RNLS: variants seen among roughly 807,000 people sequenced by gnomAD.
The protein encoded by RNLS is renalase.
A neutral mutation model predicts 39.8 loss-of-function variants in RNLS; 39 were observed. The ratio of observed to expected loss-of-function variants is 0.98; its 90% CI spans 0.76 to 1.28. The LOEUF (loss-of-function observed/expected upper bound fraction) is 1.28. Ranked by LOEUF, RNLS falls within the 50% of genes most tolerant of loss-of-function variation. The probability of loss-of-function intolerance (pLI) is 0.00; values close to 1 mark genes in which losing one functional copy is unlikely to be tolerated. For missense variants in RNLS, 410 were observed against 413.3 expected (o/e 0.99, Z 0.07); for synonymous variants, 147 against 150.7 (o/e 0.98, Z 0.18).
At position 88,494,292 on chromosome 10, in the gene RNLS, A is replaced by T. The variant is rs1335710959; in HGVS notation, c.526+78611T>A. Among the ~76,000 whole-genome samples the T allele has an allele frequency of 2.6e-5, 4 of 152,134 alleles. No individual in the cohort carries two copies. In the East Asian group the frequency reaches 7.7e-4, roughly 29 times the overall value. On this transcript the variant is annotated intron_variant, in intron 4 of 6. Transcript: ENST00000331772. ...AAGCTTAGTGGCTTTCACTTCCTTA[A>T]TAATCAGCATATAAATGGAGTATTT...
chr10:88,376,487 GT>G, intron 4 of RNLS, among the ~76,000 whole-genome samples: 1 of 152,256 alleles, frequency 6.6e-6, no homozygotes, highest in Middle Eastern at 3.4e-3. Flanking sequence ...CTAACTTGGT[GT>G]TTGTATTGCA....
chr10:88,172,694 T>C, the RNLS span, among the ~76,000 whole-genome samples: 1 of 152,096 alleles, frequency 6.6e-6, no homozygotes, highest in Non-Finnish European at 1.5e-5. Flanking sequence ...GTCCCATTTA[T>C]CTATGTTTGC....
At chr10:88,250,514 A>C in the RNLS span, among the ~76,000 whole-genome samples, 1 of 152,304 alleles carries the variant, frequency 6.6e-6, no homozygotes, top group Admixed American at 6.5e-5. Context: ...AGCATTTACC[A>C]TGTCTACCAA....
At chr10:88,286,411 G>A (rs2132627821) in intron 6 of RNLS, among the ~76,000 whole-genome samples, 1 of 152,124 alleles carries the variant, frequency 6.6e-6, no homozygotes, top group East Asian at 1.9e-4. Context: ...CTCAAAATTT[G>A]GATGGATGAT....
chr10:88,553,735 C>T (rs1848711240), intron 4 of RNLS, among the ~76,000 whole-genome samples: 1 of 152,138 alleles, frequency 6.6e-6, no homozygotes, highest in Non-Finnish European at 1.5e-5. Flanking sequence ...CATTGTACCA[C>T]ATAGAAGCCT....
At chr10:88,549,369 A>G (rs1848501733) in intron 4 of RNLS, among the ~76,000 whole-genome samples, 1 of 151,894 alleles carries the variant, frequency 6.6e-6, no homozygotes, top group Non-Finnish European at 1.5e-5. Flanking sequence ...TGCCTGGGCA[A>G]CACAGCAAAA....
chr10:88,392,850 G>A (rs1025577963), intron 4 of RNLS, among the ~76,000 whole-genome samples: 3 of 152,122 alleles, frequency 2.0e-5, no homozygotes, highest in Non-Finnish European at 4.4e-5. Context: ...GATCAAGTGG[G>A]CTTCATCCCT....
intron 5 of RNLS, among the ~76,000 whole-genome samples, chr10:88,358,401 A>G (rs4934396): frequency 0.067 from 10,201 of 152,266 alleles, 495 homozygotes; most frequent in Admixed American, 0.13. Context: ...GTGGGATGTT[A>G]GTAGGTTTGG....
intron 6 of RNLS, among the ~76,000 whole-genome samples, chr10:88,305,929 T>TA (rs1162243577): frequency 6.6e-6 from 1 of 152,148 alleles, no homozygotes; most frequent in Non-Finnish European, 1.5e-5. Context: ...TTATAGGAAG[T>TA]AAAAAACTCC....
intron 5 of RNLS, among the ~76,000 whole-genome samples, chr10:88,328,654 T>G (rs1010910269): frequency 1.3e-5 from 2 of 152,230 alleles, no homozygotes; most frequent in African/African-American, 4.8e-5. Context: ...CATATTAAAT[T>G]AAAATTGAAA....
the RNLS span, among the ~76,000 whole-genome samples, chr10:88,196,755 G>A: frequency 3.3e-5 from 5 of 152,288 alleles, no homozygotes; most frequent in East Asian, 5.8e-4. Flanking sequence ...CTGCAGACCC[G>A]TGGGCAAGAA....
intron 4 of RNLS, among the ~76,000 whole-genome samples, chr10:88,384,152 T>C (rs112507707): frequency 8.5e-5 from 13 of 152,352 alleles, no homozygotes; most frequent in African/African-American, 3.1e-4. Context: ...ATTTACTTTT[T>C]GGGTCTTAAC....
At chr10:88,218,903 A>G in the RNLS span, among the ~76,000 whole-genome samples, 1 of 152,100 alleles carries the variant, frequency 6.6e-6, no homozygotes, top group Non-Finnish European at 1.5e-5. Context: ...CTTTTCCCAC[A>G]GCCTGGAATA....
chr10:88,234,426 C>G, the RNLS span, among the ~76,000 whole-genome samples: 1 of 152,076 alleles, frequency 6.6e-6, no homozygotes, highest in African/African-American at 2.4e-5. Context: ...GTCCAAGGAG[C>G]CTTTTCAAAA....
At position 88,381,252 on chromosome 10, in the gene RNLS, T is replaced by C. The variant is rs140879255; in HGVS notation, c.527-18527A>G. On this transcript the variant is annotated intron_variant, in intron 4 of 6. Coordinates refer to ENST00000331772, the MANE Select transcript of RNLS (RefSeq NM_001031709.3). ...AACTGACATATTTATTATGTCTTCTTGTATATTAACATGGTATATTTCCCC... is the reference window on the plus strand; with the variant it reads ...AACTGACATATTTATTATGTCTTCTCGTATATTAACATGGTATATTTCCCC... Among the ~76,000 whole-genome samples the C allele has an allele frequency of 4.9e-3, 751 of 152,262 alleles. 5 individuals carry two copies. Among genetic ancestry groups the C allele is most frequent in the African/African-American group, 0.017 (705 of 41,568 alleles).
chr10:88,557,759 TCTTA>T (rs1472833363), intron 4 of RNLS, among the ~76,000 whole-genome samples: 1 of 152,184 alleles, frequency 6.6e-6, no homozygotes. Flanking sequence ...AAAGCTAAAA[TCTTA>T]CTTCTCAAAT....
At chr10:88,242,975 A>AAACAAACAAACC in the RNLS span, among the ~76,000 whole-genome samples, 207 of 144,648 alleles carry the variant, frequency 1.4e-3, no homozygotes, top group African/African-American at 4.8e-3. Flanking sequence ...ACAAACAAAC[A>AAACAAACAAACC]AACCCATAAG....
At chr10:88,476,941 C>T (rs1448636169) in intron 4 of RNLS, among the ~76,000 whole-genome samples, 2 of 151,146 alleles carry the variant, frequency 1.3e-5, no homozygotes, top group Non-Finnish European at 2.9e-5. Context: ...TTTATTTAAA[C>T]AGAGATAAGC....
intron 4 of RNLS, among the ~76,000 whole-genome samples, chr10:88,504,844 A>T (rs2765443): frequency 0.39 from 53,005 of 136,080 alleles, 11,127 homozygotes; most frequent in Non-Finnish European, 0.51. Flanking sequence ...AGAGAGACAG[A>T]GTGTGTGTGT....
Sources: gnomAD v4.1 joint callset for allele counts (sites outside exome capture counted in the v4.1 genomes callset) on GRCh38, gnomAD v4.1.1 for gene constraint, MANE v1.5 for transcripts, NCBI Gene and HGNC (gene_info 2026-07-23, HGNC 2026-07-21) for gene names.